The following TEX10 variants were observed in gnomAD, a reference collection of about 807,000 sequenced individuals.
The protein encoded by TEX10 is testis expressed 10, also known as testis-expressed protein 10.
Under a neutral mutation model 104.4 loss-of-function variants are expected in TEX10, and 24 were observed. The ratio of observed to expected loss-of-function variants is 0.23; its 90% confidence interval spans 0.17 to 0.32. The LOEUF is 0.32. Ranked by LOEUF, TEX10 falls within the 10% of genes least tolerant of loss-of-function variation. The pLI is 1.00. For synonymous variants in TEX10, 396 were observed against 393.4 expected (o/e 1.01, Z -0.08); for missense variants, 921 against 1,083.9 (o/e 0.85, Z 2.11).
At position 100,316,914 on chromosome 9, in the gene TEX10, A is replaced by AAC. The variant is rs1359025934; in HGVS notation, c.2202+3350_2202+3351insGT. Among the ~76,000 whole-genome samples the AAC allele has an allele frequency of 3.3e-5, 5 of 151,418 alleles. No individual in the cohort carries two copies. The East Asian group carries it at 7.7e-4, about 23-fold the overall frequency. ...ATAGCTAAAAAAAAAAAAAAAAAAA[A>AAC]AACCTAGGAATATATTTAACCAAGG... On this transcript the variant is annotated intron_variant, in intron 11 of 14. Coordinates refer to ENST00000374902, the MANE Select transcript of TEX10 (RefSeq NM_017746.4).
intron 13 of TEX10, chr9:100,307,243 C>T (rs1041367147): frequency 2.0e-5 from 3 of 152,134 alleles, no homozygotes; most frequent in Non-Finnish European, 4.4e-5. Flanking sequence ...AAACTATGGC[C>T]ACAGGCCAAA....
At chr9:100,311,988 GA>G (rs964868101) in intron 11 of TEX10, among the ~76,000 whole-genome samples, 10 of 151,690 alleles carry the variant, frequency 6.6e-5, no homozygotes, top group African/African-American at 2.4e-4. Flanking sequence ...GTGGGGGGGG[GA>G]ATCAACAGAT....
chr9:100,346,652 A>T, intron 3 of TEX10, 42 bp downstream of exon 3: 1 of 1,547,434 alleles, frequency 6.5e-7, no homozygotes, highest in Non-Finnish European at 8.7e-7. Flanking sequence ...GTTATAATTC[A>T]ATACAGCAAA....
At chr9:100,346,027 A>G in intron 4 of TEX10, 45 bp downstream of exon 4, 1 of 1,550,810 alleles carries the variant, frequency 6.4e-7, no homozygotes, top group Non-Finnish European at 8.7e-7. Flanking sequence ...CATTTATGAT[A>G]AAAGGCTATT....
At chr9:100,322,884 G>A (rs1834606047) in intron 9 of TEX10, among the ~76,000 whole-genome samples, 2 of 152,112 alleles carry the variant, frequency 1.3e-5, no homozygotes, top group Non-Finnish European at 2.9e-5. Flanking sequence ...CCAGAGTTCT[G>A]GGATTACAGT....
rs1203103662 is a variant in TEX10 at position 100,303,691 on chromosome 9, G to C, written c.2617C>G (p.Leu873Val). 5 of 1,614,100 alleles carry C rather than the reference G, an allele frequency of 3.1e-6. No individual in the cohort carries two copies. Among genetic ancestry groups the C allele is most frequent in the Admixed American group, 3.3e-5 (2 of 60,022 alleles). Residue 873 changes from leucine to valine, a missense_variant, in exon 14 of 15, where the codon CTC becomes GTC. Transcript: ENST00000374902. ...GCATTGGTCAACATATGAGTCCTGA[G>C]GGGTGCATGCTGAAGCAGCAGTCGA... ...LLRLLLQHAP[L>V]RTHMLTNAIL...
intron 5 of TEX10, among the ~76,000 whole-genome samples, chr9:100,339,276 T>TAAAAAAA (rs1564217387): frequency 1.4e-5 from 1 of 72,992 alleles, no homozygotes; most frequent in African/African-American, 6.0e-5. Flanking sequence ...AAAAAAAAAG[T>TAAAAAAA]ATATATATAT....
intron 5 of TEX10, among the ~76,000 whole-genome samples, chr9:100,330,839 G>C (rs1834843750): frequency 6.6e-6 from 1 of 152,204 alleles, no homozygotes. Flanking sequence ...AAGCTGGCTG[G>C]GTGTGGTGGC....
At chr9:100,336,427 C>G (rs1438484339) in intron 5 of TEX10, among the ~76,000 whole-genome samples, 2 of 152,074 alleles carry the variant, frequency 1.3e-5, no homozygotes, top group African/African-American at 4.8e-5. Context: ...TAGTGGCATT[C>G]GATTCTCATA....
At chr9:100,303,598 A>G (rs1445709425) in intron 14 of TEX10, 34 bp downstream of exon 14, 1 of 1,607,944 alleles carries the variant, frequency 6.2e-7, no homozygotes, top group Non-Finnish European at 8.5e-7. Flanking sequence ...TTCTTATGCT[A>G]ATACTGCAAA....
At position 100,330,133 on chromosome 9, in the gene TEX10, A is replaced by G. The variant is rs142207846; in HGVS notation, c.1287T>C (p.Asp429=). Residue 429 remains aspartate, a synonymous_variant, in exon 6 of 15, where the codon GAT becomes GAC. Coordinates refer to ENST00000374902, the MANE Select transcript of TEX10 (RefSeq NM_017746.4). ...ACAGTGTTAAATTCAGTAAGAGATGATCTATGTTATTGGAGAGAACTGTGC... is the reference window on the plus strand; with the variant it reads ...ACAGTGTTAAATTCAGTAAGAGATGGTCTATGTTATTGGAGAGAACTGTGC... ...KHCTVLSNNI[D]HLLLNLTLSD... 2 of 1,613,668 alleles carry G rather than the reference A, an allele frequency of 1.2e-6. No individual in the cohort carries two copies. Among genetic ancestry groups the G allele is most frequent in the African/African-American group, 2.7e-5 (2 of 74,946 alleles).
chr9:100,326,251 A>C, intron 9 of TEX10, 51 bp downstream of exon 9: 1 of 1,569,398 alleles, frequency 6.4e-7, no homozygotes, highest in Non-Finnish European at 8.7e-7. Flanking sequence ...ATTACCAGTA[A>C]AAGGGGAAAA....
chr9:100,332,283 C>T (rs938748251), intron 5 of TEX10, among the ~76,000 whole-genome samples: 1 of 152,200 alleles, frequency 6.6e-6, no homozygotes, highest in Non-Finnish European at 1.5e-5. Context: ...GATAGAATTG[C>T]AACATTTCTT....
At chr9:100,352,712 C>T (rs918846340) in intron 1 of TEX10, 60 bp downstream of exon 1, 495 of 1,293,094 alleles carry the variant, frequency 3.8e-4, no homozygotes, top group Admixed American at 4.5e-4. Flanking sequence ...GGGCGACGGC[C>T]CCACCACGCT....
intron 12 of TEX10, 147 bp from the exon 13 acceptor site, chr9:100,308,828 A>C (rs1262417393): frequency 1.6e-6 from 1 of 608,148 alleles, no homozygotes; most frequent in East Asian, 3.3e-5. Context: ...GCCACACCTT[A>C]AGGTCCTGTT....
chr9:100,352,697 T>A lies in TEX10; in HGVS notation c.-10+75A>T, dbSNP rs912544903. 5.3e-6 allele frequency: 7 copies of A among 1,314,118 alleles called. No homozygotes were observed. The African/African-American group carries it at 7.9e-5, about 15-fold the overall frequency. The allele number at this position is 1,314,118 out of a possible 1,614,324, so 81.4% of individuals were successfully genotyped here. On this transcript the variant is annotated intron_variant, in intron 1 of 14. Transcript: ENST00000374902. The stretch of plus-strand genomic sequence containing the variant: ...CGACCCTGCCCGCTTGGGCCGCGGA[T>A]CGGGGGGCGACGGCCCCACCACGCT...
At chr9:100,309,727 T>C (rs549694003) in intron 12 of TEX10, among the ~76,000 whole-genome samples, 1 of 152,340 alleles carries the variant, frequency 6.6e-6, no homozygotes, top group South Asian at 2.1e-4. Flanking sequence ...CTTTGTACTA[T>C]AACACATTAC....
At chr9:100,335,288 C>T (rs1311027553) in intron 5 of TEX10, among the ~76,000 whole-genome samples, 1 of 151,420 alleles carries the variant, frequency 6.6e-6, no homozygotes, top group African/African-American at 2.4e-5. Context: ...CTGCAACCTT[C>T]ATCTTCAGGG....
intron 9 of TEX10, among the ~76,000 whole-genome samples, chr9:100,323,276 T>C (rs1408323352): frequency 1.3e-5 from 2 of 152,174 alleles, no homozygotes; most frequent in Non-Finnish European, 2.9e-5. Flanking sequence ...TGAACACTTC[T>C]GTGAGTAAAA....
Sources: allele counts gnomAD v4.1 joint callset (sites outside exome capture counted in the v4.1 genomes callset), GRCh38; gene constraint gnomAD v4.1.1; transcripts MANE v1.5; gene names NCBI Gene and HGNC (gene_info 2026-07-23, HGNC 2026-07-21).